The following ZPLD1 variants were observed in gnomAD, a reference collection of about 807,000 sequenced individuals.
ZPLD1 encodes the protein zona pellucida like domain containing 1, also known as zona pellucida-like domain-containing protein 1.
Under a neutral mutation model 47.2 loss-of-function variants are expected in ZPLD1, and 34 were observed. That is an observed-to-expected ratio of 0.72 (90% CI 0.55 to 0.96). The LOEUF (loss-of-function observed/expected upper bound fraction) is 0.96. Ranked by LOEUF, ZPLD1 falls within the 40% of genes least tolerant of loss-of-function variation. The pLI is 0.00. For synonymous variants in ZPLD1, 176 were observed against 186.2 expected (o/e 0.95, Z 0.45); for missense variants, 512 against 505.8 (o/e 1.01, Z -0.12).
exon 8 of ZPLD1, chr3:102,418,133 C>T (rs1706831551): frequency 6.6e-6 from 1 of 152,328 alleles, no homozygotes; most frequent in African/African-American, 2.4e-5. Flanking sequence ...TAAGGTCAGG[C>T]ATTTGAACAC....
At chr3:102,410,492 A>G (rs1485991349) in intron 7 of ZPLD1, among the ~76,000 whole-genome samples, 1 of 151,796 alleles carries the variant, frequency 6.6e-6, no homozygotes, top group Non-Finnish European at 1.5e-5. Flanking sequence ...AAAAATTTAT[A>G]TGCACAAAAA....
At position 102,470,430 on chromosome 3, in the gene ZPLD1, A is replaced by T. The variant is rs201274883; in HGVS notation, c.970A>T (p.Arg324Trp). ...CAGAGAAAGGAGAGATGCTGGGAGGAGGACGACTTGGAGCCCCCAGAGCTC... is the reference window on the plus strand; with the variant it reads ...CAGAGAAAGGAGAGATGCTGGGAGGTGGACGACTTGGAGCCCCCAGAGCTC... ...SHRERRDAGR[R>W]TTWSPQSSSG... is the part of the protein sequence containing the mutation. Residue 324 changes from arginine (R) to tryptophan (W), a missense_variant, in exon 10 of 12, where the codon AGG (arginine) becomes TGG (tryptophan). Physicochemically the swap from Arg to Trp is moderately radical, Grantham distance 101. Transcript: ENST00000466937. 3.1e-6 allele frequency: 5 copies of T among 1,613,856 alleles called. No homozygotes were observed. In the South Asian group the frequency reaches 5.5e-5, roughly 18 times the overall value.
chr3:102,405,015 A>G (rs926533827), intron 7 of ZPLD1, among the ~76,000 whole-genome samples: 1 of 152,044 alleles, frequency 6.6e-6, no homozygotes, highest in African/African-American at 2.4e-5. Context: ...AGATATTAGT[A>G]TCTTTGAGCT....
At chr3:102,406,580 C>T (rs959005578) in intron 7 of ZPLD1, among the ~76,000 whole-genome samples, 1 of 151,814 alleles carries the variant, frequency 6.6e-6, no homozygotes, top group Non-Finnish European at 1.5e-5. Context: ...TCAAATATAT[C>T]GATTATGGTT....
intron 7 of ZPLD1, among the ~76,000 whole-genome samples, chr3:102,405,635 G>A (rs1395904053): frequency 6.6e-6 from 1 of 152,018 alleles, no homozygotes; most frequent in African/African-American, 2.4e-5. Context: ...TCATTGTGGT[G>A]CCAAATTATC....
At chr3:102,475,556 G>A (rs1244967430) in intron 10 of ZPLD1, among the ~76,000 whole-genome samples, 1 of 152,146 alleles carries the variant, frequency 6.6e-6, no homozygotes, top group African/African-American at 2.4e-5. Context: ...CTTGGGAAAA[G>A]AGCACATGGA....
At position 102,456,655 on chromosome 3, in the gene ZPLD1, A is replaced by G. The variant is rs1461132212; in HGVS notation, c.509+281A>G. The stretch of plus-strand genomic sequence containing the variant: ...TTTTCCCCCAAATCAAGCTGACTCA[A>G]ACTAGCCAGTTGTCTGCCTTGGGTT... On this transcript the variant is annotated intron_variant, in intron 5 of 11. Transcript: ENST00000466937. Among the ~76,000 whole-genome samples the G allele has an allele frequency of 2.6e-5, 4 of 152,168 alleles. No individual in the cohort carries two copies. In the East Asian group the frequency reaches 5.8e-4, roughly 22 times the overall value.
intron 7 of ZPLD1, among the ~76,000 whole-genome samples, chr3:102,410,922 A>G (rs945671904): frequency 6.6e-6 from 1 of 151,826 alleles, no homozygotes; most frequent in Non-Finnish European, 1.5e-5. Flanking sequence ...AATATTGTTC[A>G]CCTTCCAAAA....
intron 10 of ZPLD1, among the ~76,000 whole-genome samples, chr3:102,473,066 G>A (rs1049167732): frequency 6.6e-6 from 1 of 152,130 alleles, no homozygotes; most frequent in Non-Finnish European, 1.5e-5. Context: ...ATAAAACCAT[G>A]AGATCTTGTG....
At chr3:102,475,732 T>C (rs1707749187) in intron 10 of ZPLD1, among the ~76,000 whole-genome samples, 1 of 152,148 alleles carries the variant, frequency 6.6e-6, no homozygotes, top group Non-Finnish European at 1.5e-5. Flanking sequence ...TGCACCATTC[T>C]AAAGAACCCT....
intron 2 of ZPLD1, 104 bp downstream of exon 2, chr3:102,437,077 G>A: frequency 2.3e-6 from 1 of 434,158 alleles, no homozygotes; most frequent in Non-Finnish European, 3.1e-6. Flanking sequence ...GAAGTATCTT[G>A]AGGAGCTAGA....
intron 6 of ZPLD1, among the ~76,000 whole-genome samples, chr3:102,389,143 G>A (rs1706468024): frequency 6.6e-6 from 1 of 152,190 alleles, no homozygotes; most frequent in African/African-American, 2.4e-5. Flanking sequence ...AGGTAATTAA[G>A]TAAATGAGGA....
chr3:102,476,077 A>G (rs535273663), intron 10 of ZPLD1, among the ~76,000 whole-genome samples: 1 of 152,316 alleles, frequency 6.6e-6, no homozygotes, highest in East Asian at 1.9e-4. Context: ...GGGGGTAGCA[A>G]TAATATCCAA....
chr3:102,388,101 C>T (rs2107281908), intron 6 of ZPLD1, among the ~76,000 whole-genome samples: 1 of 152,086 alleles, frequency 6.6e-6, no homozygotes, highest in Middle Eastern at 3.4e-3. Context: ...ACCTCGTGAT[C>T]CGCCCGCCTC....
intron 10 of ZPLD1, among the ~76,000 whole-genome samples, chr3:102,470,823 G>T (rs1408721344): frequency 2.0e-5 from 3 of 151,958 alleles, no homozygotes; most frequent in African/African-American, 7.3e-5. Context: ...CTGTTGTCCA[G>T]GCTGGGGTGC....
At chr3:102,461,631 G>A (rs562318631) in intron 6 of ZPLD1, among the ~76,000 whole-genome samples, 1 of 151,830 alleles carries the variant, frequency 6.6e-6, no homozygotes, top group Admixed American at 6.5e-5. Flanking sequence ...GTCTCATTTT[G>A]GTTTTCTGTG....
Position 102,385,963 on chromosome 3 carries a change from T to A in ZPLD1, c.-213+646T>A, listed in dbSNP as rs564520548. ...GTTCCCAGAAATGTCAACTTCAACC[T>A]CTCTGCTCTCCACTGGACTAGTAAA... On this transcript the variant is annotated intron_variant, in intron 6 of 17. Coordinates refer to the ZPLD1 transcript ENST00000491959. Among the ~76,000 whole-genome samples, 10 of 152,260 alleles carry A rather than the reference T, an allele frequency of 6.6e-5. No individual in the cohort carries two copies. The South Asian group carries it at 2.1e-3, about 32-fold the overall frequency.
At chr3:102,443,293 C>G (rs1424824686) in intron 3 of ZPLD1, among the ~76,000 whole-genome samples, 2 of 152,118 alleles carry the variant, frequency 1.3e-5, no homozygotes, top group African/African-American at 4.8e-5. Context: ...AGGAAACAAG[C>G]AATAAGTTCC....
chr3:102,475,308 C>T (rs1348889362), intron 10 of ZPLD1, among the ~76,000 whole-genome samples: 4 of 151,890 alleles, frequency 2.6e-5, no homozygotes, highest in East Asian at 1.9e-4. Flanking sequence ...GGTGGTAATA[C>T]GGGGAGTGCA....
Sources: gnomAD v4.1 joint callset for allele counts (sites outside exome capture counted in the v4.1 genomes callset) on GRCh38, gnomAD v4.1.1 for gene constraint, MANE v1.5 for transcripts, NCBI Gene and HGNC (gene_info 2026-07-23, HGNC 2026-07-21) for gene names.